The following PAK3 variants were observed in gnomAD, a reference collection of about 807,000 sequenced individuals.
PAK3 encodes p21 (RAC1) activated kinase 3, also known as serine/threonine-protein kinase PAK 3.
Under a neutral mutation model 41.0 loss-of-function variants are expected in PAK3, and 4 were observed. The observed-to-expected ratio is 0.10, with a 90% CI of 0.05 to 0.22. The LOEUF is 0.22. Among genes scored for constraint, PAK3 ranks in the 10% least tolerant of loss-of-function variants. The pLI is 1.00. For missense variants in PAK3, 205 were observed against 409.9 expected (o/e 0.50, Z 4.32); for synonymous variants, 146 against 139.6 (o/e 1.05, Z -0.32).
chrX:111,193,448 C>G (rs1362633508), intron 13 of PAK3, among the ~76,000 whole-genome samples: 2 of 105,388 alleles, frequency 1.9e-5, no homozygotes, highest in South Asian at 9.1e-4. Context: ...CTCCTACGTT[C>G]AAGCAATTCT....
rs140528905 is a variant in PAK3 at position 111,210,413 on chromosome X, A to G, written c.1408-6008A>G. 9.8e-3 allele frequency among the ~76,000 whole-genome samples: 1,085 copies of G among 111,042 alleles called. 14 individuals are homozygous for G. The highest frequency in any genetic ancestry group is 0.034 in the African/African-American group (1,027 of 30,504). On this transcript the variant is annotated intron_variant, in intron 16 of 17. Transcript: ENST00000372007. ...CTTTGGTGATGACATCCCCTTACAT[A>G]CACTATTCATACAGCTCTCTTCCTT...
chrX:110,989,276 C>T (rs1439422392), intron 1 of PAK3, among the ~76,000 whole-genome samples: 1 of 112,035 alleles, frequency 8.9e-6, no homozygotes, highest in Admixed American at 9.5e-5. Flanking sequence ...TCTTCATCTC[C>T]TACCTGACTT....
intron 11 of PAK3, among the ~76,000 whole-genome samples, chrX:111,176,350 A>G (rs1314491917): frequency 2.7e-5 from 3 of 110,325 alleles, no homozygotes; most frequent in Non-Finnish European, 5.7e-5. Context: ...TGGGGGGCGA[A>G]GGGAGTGAGA....
At chrX:111,170,462 T>C (rs781240026) in intron 10 of PAK3, among the ~76,000 whole-genome samples, 2 of 111,423 alleles carry the variant, frequency 1.8e-5, no homozygotes, top group East Asian at 5.7e-4. Flanking sequence ...GTCTAAATTA[T>C]GTTGTATACT....
intron 1 of PAK3, among the ~76,000 whole-genome samples, chrX:110,966,088 T>C (rs1162046989): frequency 8.9e-6 from 1 of 112,214 alleles, no homozygotes; most frequent in African/African-American, 3.2e-5. Context: ...TTAGCCTCAC[T>C]GTTTCAATGA....
intron 5 of PAK3, among the ~76,000 whole-genome samples, chrX:111,127,779 G>T (rs192746750): frequency 1.2e-3 from 131 of 111,364 alleles, no homozygotes; most frequent in Non-Finnish European, 2.1e-3. Context: ...TTAGCTTTCT[G>T]CCAGGCTCCA....
At chrX:111,176,602 G>A (rs1476303304) in intron 11 of PAK3, among the ~76,000 whole-genome samples, 1 of 111,390 alleles carries the variant, frequency 9.0e-6, no homozygotes. Flanking sequence ...CTCCTCCTGT[G>A]TCTGTCTTTC....
intron 1 of PAK3, among the ~76,000 whole-genome samples, chrX:111,022,054 AT>A (rs1056530957): frequency 8.9e-6 from 1 of 112,110 alleles, no homozygotes; most frequent in Non-Finnish European, 1.9e-5. Context: ...GCTAAGAATA[AT>A]TGGTGCTCCC....
chrX:111,225,394 T>G lies in PAK3; in HGVS notation c.*4947T>G, dbSNP rs896521088. 8.9e-6 allele frequency: 1 copy of G among 112,176 alleles called. No homozygotes were observed. Among genetic ancestry groups the G allele is most frequent in the African/African-American group, 3.2e-5 (1 of 30,845 alleles). 9.2% of individuals were successfully genotyped at this position (112,176 alleles called of 1,213,427 possible). A position where few individuals can be genotyped will look rare whatever the true frequency, so the allele number is the denominator to read the frequency against. On this transcript the variant is annotated 3_prime_UTR_variant, in exon 18 of 18. Transcript: ENST00000372007. ...GAGTATTCTATACAACTTGTAGCAT[T>G]TACTGCCACTTAATTGGGTTGAACT...
chrX:111,034,038 C>A (rs543160855), intron 1 of PAK3, among the ~76,000 whole-genome samples: 2 of 111,950 alleles, frequency 1.8e-5, no homozygotes, highest in East Asian at 2.8e-4. Flanking sequence ...CCTCTCCCTG[C>A]CATACACACA....
chrX:111,143,952 T>A (rs956647843), intron 6 of PAK3, among the ~76,000 whole-genome samples: 4 of 111,820 alleles, frequency 3.6e-5, no homozygotes, highest in African/African-American at 1.3e-4. Flanking sequence ...CATGTGATAT[T>A]CTAGTTGCTC....
chrX:111,218,491 G>A (rs2094900572), intron 17 of PAK3, among the ~76,000 whole-genome samples: 1 of 112,179 alleles, frequency 8.9e-6, no homozygotes, highest in South Asian at 3.8e-4. Flanking sequence ...CAGGAAAGAG[G>A]TCTTCTGGGC....
chrX:111,089,968 T>C (rs2092917325), intron 1 of PAK3, among the ~76,000 whole-genome samples: 1 of 110,873 alleles, frequency 9.0e-6, no homozygotes, highest in Admixed American at 9.6e-5. Flanking sequence ...GTTTTGCACT[T>C]AGTAGGAACT....
intron 9 of PAK3, 62 bp from the exon 10 acceptor site, chrX:111,163,500 A>G: frequency 1.2e-6 from 1 of 811,848 alleles, no homozygotes; most frequent in Non-Finnish European, 1.9e-6. Context: ...ATTACAATAC[A>G]TTGACTCCAC....
chrX:111,050,324 A>G (rs1288274905), intron 1 of PAK3, among the ~76,000 whole-genome samples: 1 of 111,610 alleles, frequency 9.0e-6, no homozygotes. Context: ...GCAATGGAGA[A>G]TGCCTCTAAA....
chrX:111,113,177 G>A (rs1413339338), intron 4 of PAK3, among the ~76,000 whole-genome samples: 5 of 111,390 alleles, frequency 4.5e-5, no homozygotes, highest in African/African-American at 9.8e-5. Context: ...CTGCTCAAGC[G>A]CTATATCCTC....
intron 16 of PAK3, among the ~76,000 whole-genome samples, chrX:111,215,256 T>C (rs1349145568): frequency 8.9e-6 from 1 of 111,961 alleles, no homozygotes; most frequent in Non-Finnish European, 1.9e-5. Flanking sequence ...AATGGCCAGC[T>C]TTCTTGTATC....
At chrX:111,044,538 T>C (rs1484634443) in intron 1 of PAK3, among the ~76,000 whole-genome samples, 2 of 111,950 alleles carry the variant, frequency 1.8e-5, no homozygotes, top group Non-Finnish European at 3.8e-5. Context: ...GGGATGTTGC[T>C]TTAGAAACAG....
rs16986439 is a variant in PAK3, at chrX:111,216,727, C to T, written c.1545+169C>T. 0.089 allele frequency among the ~76,000 whole-genome samples: 9,843 copies of T among 110,535 alleles called. 1,027 individuals carry two copies. Among genetic ancestry groups the T allele is most frequent in the African/African-American group, 0.29 (8,886 of 30,168 alleles). On this transcript the variant is annotated intron_variant, in intron 17 of 17. Transcript: ENST00000372007. ...ACGCATCTAATACATGATTGATTGACGTGTTGCCTTTCTTCTGAGAAGTTG... is the reference window on the plus strand; with the variant it reads ...ACGCATCTAATACATGATTGATTGATGTGTTGCCTTTCTTCTGAGAAGTTG...
Sources: allele counts gnomAD v4.1 joint callset (sites outside exome capture counted in the v4.1 genomes callset), GRCh38; gene constraint gnomAD v4.1.1; transcripts MANE v1.5; gene names NCBI Gene and HGNC (gene_info 2026-07-23, HGNC 2026-07-21).